ARHGAP24: variants seen among roughly 807,000 people sequenced by gnomAD.
The protein encoded by ARHGAP24 is Rho GTPase activating protein 24.
A neutral mutation model predicts 76.4 loss-of-function variants in ARHGAP24; 50 were observed. The observed-to-expected ratio is 0.65, with a 90% CI of 0.52 to 0.83. The LOEUF (loss-of-function observed/expected upper bound fraction) is 0.83, where lower values mean the gene tolerates loss of function less well. ARHGAP24 is among the 40% of genes least tolerant of loss of function. The pLI is 0.00. For synonymous variants in ARHGAP24, 345 were observed against 323.3 expected (o/e 1.07, Z -0.72); for missense variants, 930 against 914.2 (o/e 1.02, Z -0.22).
chr4:85,617,005 A>G (rs376719351), intron 2 of ARHGAP24, among the ~76,000 whole-genome samples: 1 of 150,724 alleles, frequency 6.6e-6, no homozygotes, highest in East Asian at 1.9e-4. Flanking sequence ...TTGCATAACC[A>G]AAGTAGTAGG....
At chr4:85,624,439 CT>C (rs1720853500) in intron 2 of ARHGAP24, among the ~76,000 whole-genome samples, 1 of 152,134 alleles carries the variant, frequency 6.6e-6, no homozygotes, top group African/African-American at 2.4e-5. Flanking sequence ...ATGAAGCCCA[CT>C]TGATTATGGT....
chr4:85,809,026 C>T (rs1444830665), intron 3 of ARHGAP24, among the ~76,000 whole-genome samples: 1 of 152,134 alleles, frequency 6.6e-6, no homozygotes, highest in Non-Finnish European at 1.5e-5. Flanking sequence ...AAGTAAGTAC[C>T]TGTCATAAGC....
At chr4:85,658,100 T>C (rs1417430438) in intron 2 of ARHGAP24, among the ~76,000 whole-genome samples, 1 of 152,194 alleles carries the variant, frequency 6.6e-6, no homozygotes, top group Non-Finnish European at 1.5e-5. Context: ...TTCTCATTGG[T>C]CAATTTGTTA....
At chr4:85,655,818 A>AGAGAGAAAGAG (rs1237643654) in intron 2 of ARHGAP24, among the ~76,000 whole-genome samples, 3 of 35,496 alleles carry the variant, frequency 8.5e-5, no homozygotes, top group South Asian at 7.6e-4. Context: ...GAGAGAGAGA[A>AGAGAGAAAGAG]AGAGAGAGAG....
intron 3 of ARHGAP24, among the ~76,000 whole-genome samples, chr4:85,847,396 G>T (rs186326469): frequency 3.2e-4 from 49 of 152,172 alleles, no homozygotes; most frequent in African/African-American, 1.2e-3. Context: ...TTTAATAATG[G>T]TATAATATAG....
intron 5 of ARHGAP24, among the ~76,000 whole-genome samples, chr4:85,966,216 A>G (rs1738587026): frequency 6.6e-6 from 1 of 152,146 alleles, no homozygotes; most frequent in Non-Finnish European, 1.5e-5. Flanking sequence ...TCATGAATTC[A>G]TCTAACCCTA....
chr4:85,753,063 G>T (rs2110067811), intron 3 of ARHGAP24, among the ~76,000 whole-genome samples: 3 of 152,256 alleles, frequency 2.0e-5, no homozygotes, highest in Admixed American at 2.0e-4. Context: ...GGTTTTCGAT[G>T]GATATAAGAG....
chr4:85,689,056 A>C (rs1420449299), intron 2 of ARHGAP24, among the ~76,000 whole-genome samples: 2 of 152,146 alleles, frequency 1.3e-5, no homozygotes, highest in Non-Finnish European at 2.9e-5. Flanking sequence ...CATAAAATTT[A>C]GAATAGATTT....
intron 2 of ARHGAP24, among the ~76,000 whole-genome samples, chr4:85,664,328 G>C (rs1303964013): frequency 6.6e-6 from 1 of 150,982 alleles, no homozygotes; most frequent in Non-Finnish European, 1.5e-5. Flanking sequence ...TCTGATGATA[G>C]TTTGTATTTC....
At chr4:85,725,423 G>A (rs73835549) in intron 3 of ARHGAP24, among the ~76,000 whole-genome samples, 2,348 of 152,264 alleles carry the variant, frequency 0.015, 54 homozygotes, top group African/African-American at 0.053. Context: ...CCCTGTTCCC[G>A]CAAAGACCTC....
intron 2 of ARHGAP24, among the ~76,000 whole-genome samples, chr4:85,602,521 A>G (rs72613143): frequency 0.27 from 40,315 of 152,076 alleles, 7,469 homozygotes; most frequent in East Asian, 0.84. Context: ...TTCACATAAA[A>G]AATGTAATGA....
At chr4:85,706,762 C>T (rs553136112) in intron 2 of ARHGAP24, among the ~76,000 whole-genome samples, 23 of 152,050 alleles carry the variant, frequency 1.5e-4, no homozygotes, top group Admixed American at 1.4e-3. Context: ...GACGGGGTTT[C>T]ACCATGTTGG....
chr4:85,671,077 G>A (rs746694295), intron 2 of ARHGAP24, among the ~76,000 whole-genome samples: 1 of 152,038 alleles, frequency 6.6e-6, no homozygotes, highest in African/African-American at 2.4e-5. Context: ...AGAACCCTAC[G>A]TTATTGGGCC....
chr4:85,997,394 AGATAGATAGATAGATAGAT>A (rs1350532225), intron 9 of ARHGAP24, among the ~76,000 whole-genome samples: 9 of 151,066 alleles, frequency 6.0e-5, no homozygotes, highest in Admixed American at 4.6e-4. Context: ...ATAGATAGAT[AGATAGATAGATAGATAGAT>A]AATATTTTAC....
intron 4 of ARHGAP24, among the ~76,000 whole-genome samples, chr4:85,926,995 A>G (rs1736055217): frequency 6.6e-6 from 1 of 152,206 alleles, no homozygotes; most frequent in Admixed American, 6.5e-5. Context: ...TTAAACATAC[A>G]ATAATTAGAA....
intron 2 of ARHGAP24, among the ~76,000 whole-genome samples, chr4:85,574,599 G>C (rs1448687976): frequency 2.0e-5 from 3 of 152,176 alleles, no homozygotes; most frequent in African/African-American, 7.2e-5. Context: ...AATGGAAAAG[G>C]GGTTCCTTAG....
chr4:85,530,384 G>A (rs766135875), intron 1 of ARHGAP24, among the ~76,000 whole-genome samples: 17 of 151,874 alleles, frequency 1.1e-4, no homozygotes, highest in African/African-American at 3.9e-4. Context: ...GTTTCACTGC[G>A]ATATTCAGCT....
intron 1 of ARHGAP24, among the ~76,000 whole-genome samples, chr4:85,555,454 C>T (rs142774166): frequency 7.2e-5 from 11 of 152,300 alleles, no homozygotes; most frequent in African/African-American, 2.4e-4. Flanking sequence ...GGGTTGTGAT[C>T]AAGTAGGTGG....
At chr4:85,888,392 T>A (rs1733691265) in intron 3 of ARHGAP24, among the ~76,000 whole-genome samples, 2 of 122,806 alleles carry the variant, frequency 1.6e-5, no homozygotes, top group African/African-American at 6.2e-5. Flanking sequence ...AGAGCAAGAC[T>A]TCCTCTCAAG....
Sources: allele counts gnomAD v4.1 joint callset (sites outside exome capture counted in the v4.1 genomes callset), GRCh38; gene constraint gnomAD v4.1.1; transcripts MANE v1.5; gene names NCBI Gene and HGNC (gene_info 2026-07-23, HGNC 2026-07-21).